The following CFAP251 variants were observed in gnomAD, a reference collection of about 807,000 sequenced individuals.
CFAP251 encodes cilia- and flagella-associated protein 251.
In CFAP251, 93 loss-of-function variants were observed where a neutral mutation model predicts 126.7. The observed-to-expected ratio is 0.73, with a 90% confidence interval of 0.62 to 0.87. CFAP251 has a LOEUF of 0.87. Among genes scored for constraint, CFAP251 ranks in the 40% least tolerant of loss-of-function variants. CFAP251 has a pLI of 0.00. For synonymous variants in CFAP251, 503 were observed against 506.9 expected, an observed-to-expected ratio of 0.99 and a Z score of 0.10; for missense variants, 1,287 against 1,389.2, an observed-to-expected ratio of 0.93 and a Z score of 1.17.
chr12:121,996,835 C>G (rs756258124), intron 19 of CFAP251: 1 of 152,150 alleles, frequency 6.6e-6, no homozygotes, highest in Non-Finnish European at 1.5e-5. Context: ...GCTTTTATCT[C>G]TGATGGGAAG....
intron 19 of CFAP251, among the ~76,000 whole-genome samples, chr12:121,976,171 G>A (rs941353772): frequency 2.0e-5 from 3 of 151,964 alleles, no homozygotes; most frequent in Non-Finnish European, 2.9e-5. Flanking sequence ...ACCACGCCCC[G>A]CTAATTTTTG....
intron 19 of CFAP251, among the ~76,000 whole-genome samples, chr12:121,993,132 C>G (rs1185214250): frequency 6.8e-6 from 1 of 146,348 alleles, no homozygotes. Flanking sequence ...CACGCGCCGC[C>G]ACGCCTGACT....
At chr12:121,966,189 C>CT (rs1882122354) in intron 15 of CFAP251, among the ~76,000 whole-genome samples, 1 of 9,780 alleles carries the variant, frequency 1.0e-4, no homozygotes, top group Non-Finnish European at 3.6e-4. Flanking sequence ...CTCCCCTCCC[C>CT]TCTCCTTCCC....
At chr12:121,920,258 C>G (rs552615450) in intron 1 of CFAP251, among the ~76,000 whole-genome samples, 1 of 131,346 alleles carries the variant, frequency 7.6e-6, no homozygotes, top group African/African-American at 2.8e-5. Flanking sequence ...GAGAGGGTCT[C>G]GCTCTGTTGC....
At chr12:121,969,173 C>T in intron 17 of CFAP251, 1 of 985,418 alleles carries the variant, frequency 1.0e-6, no homozygotes, top group East Asian at 1.1e-4. Context: ...TGCCATCTGC[C>T]AAATGCACAT....
intron 2 of CFAP251, among the ~76,000 whole-genome samples, chr12:121,922,985 T>C (rs140552304): frequency 0.03 from 4,509 of 150,434 alleles, 111 homozygotes; most frequent in Non-Finnish European, 0.043. Context: ...TTAGTAGAGA[T>C]GGGGTTTCAC....
intron 11 of CFAP251, among the ~76,000 whole-genome samples, chr12:121,957,703 CAAAAAAA>C (rs11416000): frequency 9.0e-6 from 1 of 110,978 alleles, no homozygotes; most frequent in Non-Finnish European, 1.8e-5. Flanking sequence ...GACTCTGTCT[CAAAAAAA>C]AAAAAAAAAA....
At chr12:121,967,144 G>C (rs934619138) in intron 16 of CFAP251, 75 bp downstream of exon 16, 22 of 1,360,782 alleles carry the variant, frequency 1.6e-5, no homozygotes, top group Non-Finnish European at 1.9e-5. Context: ...TGAAGATCAC[G>C]AGACTCAGAG....
At chr12:122,002,778 A>T (rs2135822624) in intron 21 of CFAP251, among the ~76,000 whole-genome samples, 1 of 152,256 alleles carries the variant, frequency 6.6e-6, no homozygotes, top group Non-Finnish European at 1.5e-5. Context: ...GCTCACTGGT[A>T]CAGGAGCAAC....
chr12:121,952,418 T>TAAA (rs751580923), intron 9 of CFAP251, among the ~76,000 whole-genome samples: 1 of 123,952 alleles, frequency 8.1e-6, no homozygotes. Context: ...AGACCCTGTA[T>TAAA]ATAAAAAAAA....
chr12:121,981,103 G>A (rs1369874646), intron 19 of CFAP251, among the ~76,000 whole-genome samples: 9 of 152,154 alleles, frequency 5.9e-5, no homozygotes, highest in Admixed American at 5.9e-4. Flanking sequence ...CGATGGGATC[G>A]CCCCTCATTT....
At chr12:121,985,994 AATT>A (rs1882736838) in intron 19 of CFAP251, among the ~76,000 whole-genome samples, 1 of 151,806 alleles carries the variant, frequency 6.6e-6, no homozygotes, top group Non-Finnish European at 1.5e-5. Context: ...TGTCTCTACA[AATT>A]ATTATTATTT....
intron 3 of CFAP251, among the ~76,000 whole-genome samples, chr12:121,930,742 G>A (rs567423090): frequency 1.1e-4 from 14 of 129,990 alleles, no homozygotes; most frequent in African/African-American, 4.2e-4. Flanking sequence ...ATAATTAATT[G>A]CCTTTCTTTT....
At chr12:121,992,307 G>T (rs966176400) in intron 19 of CFAP251, 12 of 985,334 alleles carry the variant, frequency 1.2e-5, no homozygotes, top group East Asian at 1.1e-4. Context: ...GTCGGCTCAG[G>T]AAGGAAATGT....
chr12:121,926,021 A>ATT (rs35760212), intron 3 of CFAP251, among the ~76,000 whole-genome samples: 7 of 97,484 alleles, frequency 7.2e-5, no homozygotes, highest in Admixed American at 1.2e-4. Context: ...ATTTTTTGTA[A>ATT]TTTTTTTTTT....
intron 19 of CFAP251, among the ~76,000 whole-genome samples, chr12:121,978,977 C>T (rs1229271554): frequency 6.6e-6 from 1 of 152,124 alleles, no homozygotes; most frequent in African/African-American, 2.4e-5. Context: ...TTTACGTGCC[C>T]ATCTTCAGGA....
At chr12:121,928,707 T>TG (rs1565902857) in intron 3 of CFAP251, among the ~76,000 whole-genome samples, 2 of 67,392 alleles carry the variant, frequency 3.0e-5, no homozygotes, top group African/African-American at 7.0e-5. Context: ...TATATATATT[T>TG]TTTTTTTGAG....
rs746173317 is a variant in CFAP251, at chr12:121,968,180, G to A, written c.2771+11G>A. 1.3e-5 allele frequency: 20 copies of A among 1,589,230 alleles called. No homozygotes were observed. The South Asian group carries it at 2.1e-4, about 17-fold the overall frequency. ...GAAAATCACCTTAAGGTACACGATG[G>A]GGCGAGAAGGAAGGTATCAAGTGTA... On this transcript the variant is annotated intron_variant, in intron 17 of 21. Transcript: ENST00000288912.
chr12:121,932,967 C>T (rs527846386), intron 4 of CFAP251: 4 of 152,560 alleles, frequency 2.6e-5, no homozygotes, highest in Non-Finnish European at 4.4e-5. Flanking sequence ...AGGAGTCCAG[C>T]CTCACTAGGG....
Sources: gnomAD v4.1 joint callset for allele counts (sites outside exome capture counted in the v4.1 genomes callset) on GRCh38, gnomAD v4.1.1 for gene constraint, MANE v1.5 for transcripts, NCBI Gene and HGNC (gene_info 2026-07-23, HGNC 2026-07-21) for gene names.